Variants in NKX3-2 observed in about 807,000 individuals in gnomAD.
The protein encoded by NKX3-2 is homeobox protein Nkx-3.2.
NKX3-2 carries 13 observed loss-of-function variants against 19.4 expected under a neutral mutation model. The ratio of observed to expected loss-of-function variants is 0.67; its 90% confidence interval spans 0.44 to 1.07. The LOEUF is 1.07. Among genes scored for constraint, NKX3-2 ranks in the 50% least tolerant of loss-of-function variants. NKX3-2 has a pLI of 0.00. For synonymous variants in NKX3-2, 269 were observed against 230.5 expected, an observed-to-expected ratio of 1.17 and a Z score of -1.51; for missense variants, 562 against 488.2, an observed-to-expected ratio of 1.15 and a Z score of -1.42.
chr4:13,547,598 C>A, upstream of NKX3-2: 1 of 183,226 alleles, frequency 5.5e-6, no homozygotes. Flanking sequence ...CTTCTTCCTC[C>A]TCCCTCCTCC....
rs1718034136 is a variant in NKX3-2 at position 13,543,296 on chromosome 4, C to CGGG, written c.466+652_466+653insCCC. On this transcript the variant is annotated intron_variant, in intron 1 of 1. Transcript: ENST00000382438. This position sits in a 1 kb window ranked among gnomAD's most constrained non-coding sequence, Gnocchi z 7.1. ...GGGCAGGCACCCGGGTCTTCCAGAC[C>CGGG]ACAGGACAGGACAGGCCACGGCTGA... 1.3e-5 allele frequency among the ~76,000 whole-genome samples: 2 copies of CGGG among 152,160 alleles called. No homozygotes were observed. Among genetic ancestry groups the CGGG allele is most frequent in the African/African-American group, 2.4e-5 (1 of 41,452 alleles).
In NKX3-2 at chr4:13,542,678, G is replaced by T. The variant is rs1451839667; in HGVS notation, c.467-150C>A. ...CGGAGGTCTGGGAGGCCCTGGGCCCGGGAGACCAGTCTTAGACTCTTGCCC... is the reference window on the plus strand; with the variant it reads ...CGGAGGTCTGGGAGGCCCTGGGCCCTGGAGACCAGTCTTAGACTCTTGCCC... On this transcript the variant is annotated intron_variant, in intron 1 of 1. Coordinates refer to ENST00000382438, the MANE Select transcript of NKX3-2 (RefSeq NM_001189.4). The surrounding 1 kb of genome is among the most constrained non-coding windows in gnomAD (Gnocchi z 6.4). 13 of 1,035,286 alleles carry T rather than the reference G, an allele frequency of 1.3e-5. No homozygotes were observed. In the East Asian group the frequency reaches 2.5e-4, roughly 20 times the overall value. 64.1% of individuals were successfully genotyped at this position (1,035,286 alleles called of 1,614,324 possible). A position where few individuals can be genotyped will look rare whatever the true frequency, so the allele number is the denominator to read the frequency against.
rs1418713452 is a variant in NKX3-2, at chr4:13,542,457, C to G, written c.538G>C (p.Gly180Arg). The G allele has an allele frequency of 1.8e-5, 28 of 1,590,676 alleles. No individual in the cohort carries two copies. Among genetic ancestry groups the G allele is most frequent in the Non-Finnish European group, 2.2e-5 (26 of 1,176,588 alleles). ...CCGCTGCCGCCCCCGCCGCCGGCCC[C>G]GCTGCACAGCGCGGACACGTGTGCA... is the stretch of plus-strand genomic sequence containing the variant. ...RGAHVSALCS[G>R]AGGGGGSGPA... Residue 180 changes from glycine to arginine, a missense_variant, in exon 2 of 2, where the codon GGG becomes CGG. Coordinates refer to ENST00000382438, the MANE Select transcript of NKX3-2 (RefSeq NM_001189.4). This position sits in a 1 kb window ranked among gnomAD's most constrained non-coding sequence, Gnocchi z 6.4.
chr4:13,544,377 GAGA>G lies in NKX3-2; in HGVS notation c.35_37del (p.Phe12del), dbSNP rs1421088095. 6.4e-7 allele frequency: 1 copy of G among 1,551,386 alleles called. No individual in the cohort carries two copies. The highest frequency in any genetic ancestry group is 8.6e-7 in the Non-Finnish European group (1 of 1,158,350). On this transcript the variant is annotated inframe_deletion, in exon 1 of 2. Transcript: ENST00000382438. Reference sequence around the variant, plus strand: ...TTTCTTGTTGAGGATCGCCTGGATGGAGAAGGACGTCAAGGTGTTGGCGCCGCG... The same window carrying G: ...TTTCTTGTTGAGGATCGCCTGGATGGAGGACGTCAAGGTGTTGGCGCCGCG...
upstream of NKX3-2, chr4:13,547,235 G>A (rs1577287005): frequency 2.2e-6 from 1 of 456,230 alleles, no homozygotes; most frequent in Non-Finnish European, 4.4e-6. Context: ...GTGTGGCGAA[G>A]GCGCAGCAGG....
In NKX3-2 at chr4:13,542,374, C is replaced by T. The variant is rs1298297918; in HGVS notation, c.621G>A (p.Lys207=). Residue 207 remains lysine, a synonymous_variant, in exon 2 of 2, where the codon AAG becomes AAA. Coordinates refer to ENST00000382438, the MANE Select transcript of NKX3-2 (RefSeq NM_001189.4). The surrounding 1 kb of genome is among the most constrained non-coding windows in gnomAD (Gnocchi z 6.4). ...EEPAAPKPRK[K]RSRAAFSHAQ... ...CGTGGGAGAAAGCGGCCCGCGAGCG[C>T]TTCTTGCGTGGCTTGGGCGCCGCCG... 1 of 1,518,870 alleles carries T rather than the reference C, an allele frequency of 6.6e-7. No individual in the cohort carries two copies. Among genetic ancestry groups the T allele is most frequent in the African/African-American group, 1.4e-5 (1 of 71,236 alleles). The allele number at this position is 1,518,870 out of a possible 1,614,324, so 94.1% of individuals were successfully genotyped here. A position where few individuals can be genotyped will look rare whatever the true frequency, so the allele number is the denominator to read the frequency against.
At position 13,544,426 on chromosome 4, in the gene NKX3-2, G is replaced by C. The variant is rs758242616; in HGVS notation, c.-12C>G. On this transcript the variant is annotated 5_prime_UTR_variant, in exon 1 of 2. Transcript: ENST00000382438. ...CCGCGCACAGCCATCTGCGCCGCGG[G>C]CAGGAGCGGCCGGCGGGGCGGGCAG... 6.7e-7 allele frequency: 1 copy of C among 1,490,128 alleles called. No individual in the cohort carries two copies. The highest frequency in any genetic ancestry group is 1.4e-5 in the African/African-American group (1 of 69,186). 92.3% of individuals were successfully genotyped at this position (1,490,128 alleles called of 1,614,324 possible).
Position 13,543,844 on chromosome 4 carries a change from A to C in NKX3-2, c.466+105T>G. The C allele has an allele frequency of 9.3e-7, 1 of 1,078,548 alleles. No individual in the cohort carries two copies. Among genetic ancestry groups the C allele is most frequent in the Non-Finnish European group, 1.3e-6 (1 of 787,856 alleles). 66.8% of individuals were successfully genotyped at this position (1,078,548 alleles called of 1,614,324 possible). On this transcript the variant is annotated intron_variant, in intron 1 of 1. Coordinates refer to ENST00000382438, the MANE Select transcript of NKX3-2 (RefSeq NM_001189.4). The surrounding 1 kb of genome is among the most constrained non-coding windows in gnomAD (Gnocchi z 7.1). Reference sequence around the variant, plus strand: ...AACTTCGGGATTTGGCCAGCCTCCGAGCCCCAGGGCGCAGGGTGCTCAAGC... The same window carrying C: ...AACTTCGGGATTTGGCCAGCCTCCGCGCCCCAGGGCGCAGGGTGCTCAAGC...
upstream of NKX3-2, chr4:13,547,056 G>T (rs1718147647): frequency 4.4e-6 from 2 of 456,250 alleles, no homozygotes; most frequent in Non-Finnish European, 8.8e-6. Context: ...GGCAGAGCCG[G>T]GAGTTGGGTG....
rs781766584 is a variant in NKX3-2 at position 13,544,060 on chromosome 4, C to G, written c.355G>C (p.Ala119Pro). 4.1e-5 allele frequency: 64 copies of G among 1,572,788 alleles called. 1 individual carries two copies. In the African/African-American group the frequency reaches 5.0e-4, roughly 12 times the overall value. The stretch of plus-strand genomic sequence containing the variant: ...TGGCCGAGGCTCAAGGATCCCCCCG[C>G]AAGGCCGGCCCCGCTGGCCCCCCGC... ...DARGASGAGL[A>P]GGSLSLGQPV... Residue 119 changes from alanine to proline, a missense_variant, in exon 1 of 2, where the codon GCG becomes CCG. Ala to Pro is a conservative substitution (Grantham distance 27). Coordinates refer to ENST00000382438, the MANE Select transcript of NKX3-2 (RefSeq NM_001189.4).
Position 13,541,719 on chromosome 4 carries a change from T to G in NKX3-2, c.*274A>C. On this transcript the variant is annotated 3_prime_UTR_variant, in exon 2 of 2. Transcript: ENST00000382438. ...TCAAAATTTAATTCCAACATTGTCA[T>G]GATAATAAATAGAGCCCAGGGGCTT... 6 of 411,262 alleles carry G rather than the reference T, an allele frequency of 1.5e-5. No individual in the cohort carries two copies. Among genetic ancestry groups the G allele is most frequent in the Non-Finnish European group, 1.7e-5 (4 of 231,416 alleles). 25.5% of individuals were successfully genotyped at this position (411,262 alleles called of 1,614,324 possible).
chr4:13,544,306 C>G lies in NKX3-2; in HGVS notation c.109G>C (p.Gly37Arg), dbSNP rs930248404. The G allele has an allele frequency of 6.5e-6, 10 of 1,529,626 alleles. No homozygotes were observed. The highest frequency in any genetic ancestry group is 4.6e-4 in the Middle Eastern group (2 of 4,312). The allele number at this position is 1,529,626 out of a possible 1,614,324, so 94.8% of individuals were successfully genotyped here. A position where few individuals can be genotyped will look rare whatever the true frequency, so the allele number is the denominator to read the frequency against. The change falls in exon 1 of 2, where the codon GGG becomes CGG. Residue 37 changes from glycine (G) to arginine (R), a missense_variant. Transcript: ENST00000382438. Reference protein sequence around the residue: ...LAAPEGRPAPGGTAASVAAAP... With the variant: ...LAAPEGRPAPRGTAASVAAAP... ...GCGGCCACCGATGCCGCTGTGCCCC[C>G]GGGCGCCGGGCGCCCCTCTGGCGCG...
chr4:13,543,851 G>C lies in NKX3-2; in HGVS notation c.466+98C>G. On this transcript the variant is annotated intron_variant, in intron 1 of 1. Coordinates refer to ENST00000382438, the MANE Select transcript of NKX3-2 (RefSeq NM_001189.4). This position sits in a 1 kb window ranked among gnomAD's most constrained non-coding sequence, Gnocchi z 7.1. ...GGATTTGGCCAGCCTCCGAGCCCCAGGGCGCAGGGTGCTCAAGCCGACCAC... is the reference window on the plus strand; with the variant it reads ...GGATTTGGCCAGCCTCCGAGCCCCACGGCGCAGGGTGCTCAAGCCGACCAC... 8.8e-7 allele frequency: 1 copy of C among 1,131,898 alleles called. No individual in the cohort carries two copies. Among genetic ancestry groups the C allele is most frequent in the Non-Finnish European group, 1.2e-6 (1 of 835,648 alleles). 70.1% of individuals were successfully genotyped at this position (1,131,898 alleles called of 1,614,324 possible). A position where few individuals can be genotyped will look rare whatever the true frequency, so the allele number is the denominator to read the frequency against.
At chr4:13,546,973 G>A (rs540831992), upstream of NKX3-2, 3 of 456,284 alleles carry the variant, frequency 6.6e-6, no homozygotes, top group South Asian at 1.5e-5. Context: ...GAGGCGCACA[G>A]CAAGGGAGTC....
upstream of NKX3-2, chr4:13,544,533 C>G (rs1054352287): frequency 3.6e-6 from 2 of 549,088 alleles, no homozygotes; most frequent in Admixed American, 9.3e-5. Flanking sequence ...AGGCCGCCGC[C>G]GCCCACTGCT....
chr4:13,545,833 G>A (rs1718121534), upstream of NKX3-2, among the ~76,000 whole-genome samples: 1 of 152,014 alleles, frequency 6.6e-6, no homozygotes, highest in Admixed American at 6.6e-5. Context: ...AGTATACCTA[G>A]GAATTACCAT....
rs753325916 is a variant in NKX3-2 at position 13,544,385 on chromosome 4, C to T, written c.30G>A (p.Thr10=). 2.7e-5 allele frequency: 42 copies of T among 1,548,464 alleles called. No individual in the cohort carries two copies. The highest frequency in any genetic ancestry group is 3.5e-5 in the Non-Finnish European group (41 of 1,157,172). The stretch of plus-strand genomic sequence containing the variant: ...TGAGGATCGCCTGGATGGAGAAGGA[C>T]GTCAAGGTGTTGGCGCCGCGCACAG... The part of the protein sequence containing the change: MAVRGANTL[T]SFSIQAILNK... The change falls in exon 1 of 2, where the codon ACG becomes ACA. Residue 10 remains threonine, a synonymous_variant. Transcript: ENST00000382438.
chr4:13,546,855 T>G (rs1223764397), upstream of NKX3-2: 2 of 450,804 alleles, frequency 4.4e-6, no homozygotes, highest in Admixed American at 4.7e-5. Context: ...GCCACAGCCT[T>G]GGGCAGAAGT....
At position 13,544,385 on chromosome 4, in the gene NKX3-2, C is replaced by A. The variant is rs753325916; in HGVS notation, c.30G>T (p.Thr10=). The A allele has an allele frequency of 4.5e-6, 7 of 1,548,464 alleles. No individual in the cohort carries two copies. Among genetic ancestry groups the A allele is most frequent in the Non-Finnish European group, 6.0e-6 (7 of 1,157,172 alleles). The part of the protein sequence containing the change: MAVRGANTL[T]SFSIQAILNK... ...TGAGGATCGCCTGGATGGAGAAGGA[C>A]GTCAAGGTGTTGGCGCCGCGCACAG... is the stretch of plus-strand genomic sequence containing the variant. Residue 10 remains threonine, a synonymous_variant, in exon 1 of 2, where the codon ACG becomes ACT. Coordinates refer to ENST00000382438, the MANE Select transcript of NKX3-2 (RefSeq NM_001189.4).
Sources: gnomAD v4.1 joint callset for allele counts (sites outside exome capture counted in the v4.1 genomes callset) on GRCh38, gnomAD v4.1.1 for gene constraint, Gnocchi (gnomAD v3.1) non-coding constraint, MANE v1.5 for transcripts, NCBI Gene and HGNC (gene_info 2026-07-23, HGNC 2026-07-21) for gene names.